GPC5: variants seen among roughly 807,000 people sequenced by gnomAD.
GPC5 encodes glypican 5, also known as glypican-5.
GPC5 carries 47 observed loss-of-function variants against 53.9 expected under a neutral mutation model. That is an observed-to-expected ratio of 0.87 (90% CI 0.69 to 1.11). The LOEUF (loss-of-function observed/expected upper bound fraction) is 1.11. Ranked by LOEUF, GPC5 falls within the 50% of genes most tolerant of loss-of-function variation. The pLI, the probability that GPC5 is intolerant of heterozygous loss-of-function variation, is 0.00. For synonymous variants in GPC5, 286 were observed against 263.3 expected, an observed-to-expected ratio of 1.09 and a Z score of -0.84; for missense variants, 748 against 713.1, an observed-to-expected ratio of 1.05 and a Z score of -0.56.
intron 7 of GPC5, among the ~76,000 whole-genome samples, chr13:92,736,068 T>C (rs1230784243): frequency 6.6e-6 from 1 of 152,158 alleles, no homozygotes; most frequent in East Asian, 1.9e-4. Flanking sequence ...CATTATTTGA[T>C]TTTTCTCTTT....
chr13:91,888,059 G>A (rs1050645978), intron 5 of GPC5, among the ~76,000 whole-genome samples: 2 of 152,230 alleles, frequency 1.3e-5, no homozygotes, highest in Middle Eastern at 3.4e-3. Context: ...GAAGAAATAT[G>A]CGAGAATGAG....
rs185206776 is a variant in GPC5, at chr13:91,863,338, T to G, written c.1281-44599T>G. Among the ~76,000 whole-genome samples, 673 of 152,268 alleles carry G rather than the reference T, an allele frequency of 4.4e-3. 4 individuals are homozygous for G. The highest frequency in any genetic ancestry group is 0.016 in the African/African-American group (650 of 41,556). On this transcript the variant is annotated intron_variant, in intron 5 of 7. Transcript: ENST00000377067. Reference sequence around the variant, plus strand: ...ATTCTCTATTTCTAGATTCTGTTATTTTACTTTATGTTGCTTCTCCTAAAG... The same window carrying G: ...ATTCTCTATTTCTAGATTCTGTTATGTTACTTTATGTTGCTTCTCCTAAAG...
intron 2 of GPC5, among the ~76,000 whole-genome samples, chr13:91,452,897 C>A (rs1881281967): frequency 6.6e-6 from 1 of 151,702 alleles, no homozygotes; most frequent in African/African-American, 2.4e-5. Flanking sequence ...TATATCTTTC[C>A]TTAGAAATGA....
intron 6 of GPC5, among the ~76,000 whole-genome samples, chr13:91,912,186 G>A (rs1280428095): frequency 6.6e-6 from 1 of 152,086 alleles, no homozygotes; most frequent in Non-Finnish European, 1.5e-5. Flanking sequence ...AAATGTATTG[G>A]GCACCTTGTA....
chr13:92,551,204 A>G (rs989159516), intron 7 of GPC5, among the ~76,000 whole-genome samples: 6 of 147,932 alleles, frequency 4.1e-5, no homozygotes, highest in Non-Finnish European at 6.1e-5. Flanking sequence ...GTGCAGGCCA[A>G]TGTGTGATAG....
intron 7 of GPC5, among the ~76,000 whole-genome samples, chr13:92,768,669 A>G (rs1248123831): frequency 6.6e-6 from 1 of 151,886 alleles, no homozygotes; most frequent in Non-Finnish European, 1.5e-5. Flanking sequence ...TATTTGCACC[A>G]TCATTCTGCC....
intron 7 of GPC5, among the ~76,000 whole-genome samples, chr13:92,433,989 G>T (rs181787653): frequency 2.0e-5 from 3 of 152,128 alleles, no homozygotes; most frequent in Non-Finnish European, 4.4e-5. Flanking sequence ...GGGATATGTC[G>T]TACTTCTGTC....
chr13:92,205,229 T>G (rs528197405), intron 7 of GPC5, among the ~76,000 whole-genome samples: 1 of 151,976 alleles, frequency 6.6e-6, no homozygotes, highest in Non-Finnish European at 1.5e-5. Context: ...TGAGACAGTT[T>G]TGCTCTTATT....
At position 92,486,812 on chromosome 13, in the gene GPC5, G is replaced by A. The variant is rs146959051; in HGVS notation, c.1561+341823G>A. 2.3e-3 allele frequency among the ~76,000 whole-genome samples: 346 copies of A among 152,000 alleles called. 3 individuals are homozygous for A. Among genetic ancestry groups the A allele is most frequent in the African/African-American group, 7.4e-3 (305 of 41,424 alleles). On this transcript the variant is annotated intron_variant, in intron 7 of 7. Transcript: ENST00000377067. ...ACATCAGCCACATTTCATGTGATTC[G>A]TGGTCATGTGGCTAGTGGCTACTGG...
intron 7 of GPC5, among the ~76,000 whole-genome samples, chr13:92,254,530 T>G (rs538049586): frequency 6.6e-6 from 1 of 152,154 alleles, no homozygotes; most frequent in Non-Finnish European, 1.5e-5. Flanking sequence ...CTGTGAGTTC[T>G]GCATCTGTGG....
chr13:91,800,643 G>A (rs1047503626), intron 5 of GPC5, among the ~76,000 whole-genome samples: 1 of 152,042 alleles, frequency 6.6e-6, no homozygotes, highest in Non-Finnish European at 1.5e-5. Flanking sequence ...TTTGTTAATA[G>A]AGGTTTTTTA....
At chr13:91,759,100 T>A (rs905097174) in intron 5 of GPC5, among the ~76,000 whole-genome samples, 13 of 152,110 alleles carry the variant, frequency 8.5e-5, no homozygotes, top group Non-Finnish European at 1.2e-4. Flanking sequence ...TACTTCACTT[T>A]TAATGCCCCA....
At chr13:92,095,433 C>T (rs1296655718) in intron 6 of GPC5, among the ~76,000 whole-genome samples, 1 of 152,112 alleles carries the variant, frequency 6.6e-6, no homozygotes, top group Non-Finnish European at 1.5e-5. Flanking sequence ...CTGCAACCTC[C>T]GCCTCGTGGG....
intron 2 of GPC5, among the ~76,000 whole-genome samples, chr13:91,520,720 A>ATGTG (rs968182487): frequency 1.4e-5 from 2 of 148,086 alleles, no homozygotes; most frequent in African/African-American, 2.6e-5. Context: ...GTGTGTGTGT[A>ATGTG]TGTGTGTGTG....
intron 2 of GPC5, among the ~76,000 whole-genome samples, chr13:91,554,591 A>C (rs1399109959): frequency 6.6e-6 from 1 of 152,116 alleles, no homozygotes; most frequent in Non-Finnish European, 1.5e-5. Context: ...GTTAAAATAA[A>C]TCCTTTTCAA....
chr13:92,618,245 A>T (rs1423204963), intron 7 of GPC5, among the ~76,000 whole-genome samples: 1 of 152,138 alleles, frequency 6.6e-6, no homozygotes, highest in Non-Finnish European at 1.5e-5. Context: ...TATGTCTTTC[A>T]GGCCAAACTA....
chr13:92,518,440 T>C (rs1223744703), intron 7 of GPC5, among the ~76,000 whole-genome samples: 2 of 152,016 alleles, frequency 1.3e-5, no homozygotes, highest in Admixed American at 6.6e-5. Context: ...CGGCAGAAAC[T>C]CTACAAGCCA....
At chr13:91,579,965 C>A (rs2032295726) in intron 2 of GPC5, among the ~76,000 whole-genome samples, 1 of 152,010 alleles carries the variant, frequency 6.6e-6, no homozygotes, top group South Asian at 2.1e-4. Context: ...TATTTTAATT[C>A]TTTCAAGTAA....
chr13:92,100,325 C>A (rs1566434964), intron 6 of GPC5, among the ~76,000 whole-genome samples: 1 of 152,210 alleles, frequency 6.6e-6, no homozygotes, highest in East Asian at 1.9e-4. Context: ...TTGCTTTAAC[C>A]TGGGAGGCAG....
Sources: gnomAD v4.1 joint callset for allele counts (sites outside exome capture counted in the v4.1 genomes callset) on GRCh38, gnomAD v4.1.1 for gene constraint, MANE v1.5 for transcripts, NCBI Gene and HGNC (gene_info 2026-07-23, HGNC 2026-07-21) for gene names.